Variants in MRPS27 observed in about 807,000 individuals in gnomAD.
The protein encoded by MRPS27 is mitochondrial ribosomal protein S27, also known as small ribosomal subunit protein mS27.
In MRPS27, 43 loss-of-function variants were observed where a neutral mutation model predicts 48.9. The observed-to-expected ratio is 0.88, with a 90% CI of 0.69 to 1.13. The LOEUF (loss-of-function observed/expected upper bound fraction) is 1.13. Among genes scored for constraint, MRPS27 ranks in the 50% most tolerant of loss-of-function variants. MRPS27 has a pLI of 0.00. For synonymous variants in MRPS27, 188 were observed against 171.9 expected (o/e 1.09, Z -0.73); for missense variants, 467 against 476.3 (o/e 0.98, Z 0.18).
At chr5:72,225,100 A>G (rs566379427) in intron 9 of MRPS27, among the ~76,000 whole-genome samples, 4 of 152,236 alleles carry the variant, frequency 2.6e-5, no homozygotes, top group Admixed American at 6.5e-5. Context: ...CAAAGGATTT[A>G]TGTATAATTT....
At position 72,242,685 on chromosome 5, in the gene MRPS27, CA is replaced by C. The variant is rs1580064168; in HGVS notation, c.282-4558del. Among the ~76,000 whole-genome samples the C allele has an allele frequency of 7.3e-5, 11 of 150,830 alleles. No homozygotes were observed. In the East Asian group the frequency reaches 2.1e-3, roughly 29 times the overall value. On this transcript the variant is annotated intron_variant, in intron 4 of 10. Transcript: ENST00000261413. Reference sequence around the variant, plus strand: ...CCGTCTACACACACACACACACACACACACACACACACACACACACACTCAC... The same window carrying C: ...CCGTCTACACACACACACACACACACCACACACACACACACACACACTCAC...
At chr5:72,230,021 G>C (rs1481403650) in intron 7 of MRPS27, among the ~76,000 whole-genome samples, 1 of 152,108 alleles carries the variant, frequency 6.6e-6, no homozygotes, top group Non-Finnish European at 1.5e-5. Flanking sequence ...GAGTAGCTAG[G>C]ACTATAGGCA....
chr5:72,228,559 G>T (rs897329546), intron 7 of MRPS27, 191 bp from the exon 8 acceptor site: 1 of 440,632 alleles, frequency 2.3e-6, no homozygotes, highest in African/African-American at 2.0e-5. Context: ...ATATAGGAAA[G>T]AAATACCCTA....
chr5:72,234,688 A>G (rs1411957622), intron 5 of MRPS27, among the ~76,000 whole-genome samples: 2 of 152,136 alleles, frequency 1.3e-5, no homozygotes, highest in South Asian at 4.1e-4. Context: ...ATGTTGTGTC[A>G]TACAACTGAA....
chr5:72,253,980 T>A (rs560200926), intron 4 of MRPS27, among the ~76,000 whole-genome samples: 3 of 152,290 alleles, frequency 2.0e-5, no homozygotes, highest in Admixed American at 1.3e-4. Flanking sequence ...AGTCTCACTA[T>A]GCTATCTAGG....
intron 6 of MRPS27, among the ~76,000 whole-genome samples, chr5:72,233,792 T>A (rs980535733): frequency 1.3e-4 from 20 of 152,286 alleles, no homozygotes; most frequent in African/African-American, 4.8e-4. Flanking sequence ...CATTACTGAA[T>A]CCAAAATTAT....
Position 72,297,615 on chromosome 5 carries a change from T to C in MRPS27, c.222+17A>G, listed in dbSNP as rs772047808. On this transcript the variant is annotated intron_variant, in intron 3 of 10. Transcript: ENST00000261413. ...CTTCCTTGTTCTTGGAAAATATATA[T>C]GTTAAAATTTTCTTACCCGTGATAT... The C allele has an allele frequency of 6.7e-7, 1 of 1,498,408 alleles. No individual in the cohort carries two copies. The highest frequency in any genetic ancestry group is 9.2e-7 in the Non-Finnish European group (1 of 1,083,376). The allele number at this position is 1,498,408 out of a possible 1,614,324, so 92.8% of individuals were successfully genotyped here. A position where few individuals can be genotyped will look rare whatever the true frequency, so the allele number is the denominator to read the frequency against.
intron 4 of MRPS27, among the ~76,000 whole-genome samples, chr5:72,266,847 G>A (rs770017881): frequency 3.3e-5 from 5 of 151,810 alleles, no homozygotes; most frequent in Admixed American, 3.3e-4. Flanking sequence ...GTGACAGAGC[G>A]AGATTTCGTC....
intron 4 of MRPS27, among the ~76,000 whole-genome samples, chr5:72,249,720 G>A (rs1365207641): frequency 1.3e-5 from 2 of 148,830 alleles, no homozygotes; most frequent in Non-Finnish European, 3.0e-5. Flanking sequence ...AGTGGTTCAC[G>A]CCTGTAATCC....
At chr5:72,295,704 G>A (rs545747432) in intron 3 of MRPS27, 115 bp from the exon 4 acceptor site, 24 of 731,824 alleles carry the variant, frequency 3.3e-5, no homozygotes, top group East Asian at 7.7e-5. Flanking sequence ...TTATTGGAAC[G>A]ATGGTGATGC....
At chr5:72,237,899 C>A (rs954125695) in intron 5 of MRPS27, 115 bp downstream of exon 5, 2 of 675,986 alleles carry the variant, frequency 3.0e-6, no homozygotes, top group African/African-American at 3.6e-5. Context: ...ATATTTGAGG[C>A]CAAATAATTT....
chr5:72,307,049 T>A (rs984603867), intron 2 of MRPS27, among the ~76,000 whole-genome samples: 5 of 151,826 alleles, frequency 3.3e-5, no homozygotes, highest in African/African-American at 4.8e-5. Flanking sequence ...AAAAAAAAAA[T>A]TTGAGAGTAT....
In MRPS27 at chr5:72,232,570, T is replaced by A; in HGVS notation, c.476-12A>T. ...CACAGATAAAGCATCTAGCAGAAGA[T>A]GAAAGTAAAAAAGAGAGGAAATTAG... On this transcript the variant is annotated splice_polypyrimidine_tract_variant and intron_variant, in intron 6 of 10. Transcript: ENST00000261413. 1.3e-6 allele frequency: 2 copies of A among 1,576,990 alleles called. No individual in the cohort carries two copies. Among genetic ancestry groups the A allele is most frequent in the African/African-American group, 1.4e-5 (1 of 73,580 alleles).
intron 4 of MRPS27, among the ~76,000 whole-genome samples, chr5:72,253,840 G>A (rs1337697334): frequency 6.6e-6 from 1 of 152,148 alleles, no homozygotes; most frequent in African/African-American, 2.4e-5. Context: ...CACTACTCAG[G>A]ATTACACTGA....
intron 4 of MRPS27, among the ~76,000 whole-genome samples, chr5:72,271,080 C>G (rs184086419): frequency 1.3e-3 from 201 of 152,250 alleles, no homozygotes; most frequent in Non-Finnish European, 2.0e-3. Flanking sequence ...GGGAACAAAG[C>G]AAAGACATGT....
chr5:72,239,999 G>A (rs1230081624), intron 4 of MRPS27, among the ~76,000 whole-genome samples: 1 of 152,204 alleles, frequency 6.6e-6, no homozygotes, highest in African/African-American at 2.4e-5. Flanking sequence ...AAAAAGTCAA[G>A]TGAAGTATCA....
intron 4 of MRPS27, among the ~76,000 whole-genome samples, chr5:72,270,283 A>G (rs1424644539): frequency 6.6e-6 from 1 of 150,430 alleles, no homozygotes; most frequent in African/African-American, 2.4e-5. Flanking sequence ...AAGTAATAAA[A>G]AAAGAAAAAA....
rs1747711966 is a variant in MRPS27 at position 72,220,514 on chromosome 5, T to A, written c.*395A>T. On this transcript the variant is annotated 3_prime_UTR_variant, in exon 11 of 11. Coordinates refer to ENST00000261413, the MANE Select transcript of MRPS27 (RefSeq NM_015084.3). ...TCCAGCCTGGGTGACAGAATGAGACTCTGTCTCAAAAAACAAAAACAACAA... is the reference window on the plus strand; with the variant it reads ...TCCAGCCTGGGTGACAGAATGAGACACTGTCTCAAAAAACAAAAACAACAA... 1 of 167,544 alleles carries A rather than the reference T, an allele frequency of 6.0e-6. No individual in the cohort carries two copies. The highest frequency in any genetic ancestry group is 1.8e-4 in the South Asian group (1 of 5,712). The allele number at this position is 167,544 out of a possible 1,614,324, so 10.4% of individuals were successfully genotyped here.
At chr5:72,264,974 G>A (rs769037316) in intron 4 of MRPS27, among the ~76,000 whole-genome samples, 8 of 152,174 alleles carry the variant, frequency 5.3e-5, no homozygotes, top group Non-Finnish European at 1.2e-4. Context: ...AGACCGTGAG[G>A]GGAGCTCAGA....
Sources: gnomAD v4.1 joint callset for allele counts (sites outside exome capture counted in the v4.1 genomes callset) on GRCh38, gnomAD v4.1.1 for gene constraint, MANE v1.5 for transcripts, NCBI Gene and HGNC (gene_info 2026-07-23, HGNC 2026-07-21) for gene names.